Variants in TENM3 observed in about 807,000 individuals in gnomAD.
The protein encoded by TENM3 is teneurin transmembrane protein 3, also known as teneurin-3.
In TENM3, 63 loss-of-function variants were observed where a neutral mutation model predicts 255.1. That is an observed-to-expected ratio of 0.25 (90% CI 0.20 to 0.30). TENM3 has a LOEUF of 0.30. Ranked by LOEUF, TENM3 falls within the 10% of genes least tolerant of loss-of-function variation. The pLI is 1.00. For synonymous variants in TENM3, 1,306 were observed against 1,322.3 expected (o/e 0.99, Z 0.27); for missense variants, 2,929 against 3,461.1 (o/e 0.85, Z 3.86).
At chr4:181,894,300 G>A in the TENM3 span, among the ~76,000 whole-genome samples, 1 of 152,080 alleles carries the variant, frequency 6.6e-6, no homozygotes, top group Non-Finnish European at 1.5e-5. Flanking sequence ...AATTACATGA[G>A]GGCTAGCGAG....
intron 1 of TENM3, among the ~76,000 whole-genome samples, chr4:182,282,894 GAAAAA>G (rs35385277): frequency 1.4e-5 from 1 of 70,954 alleles, no homozygotes; most frequent in African/African-American, 5.3e-5. Context: ...CTCCATTTCA[GAAAAA>G]AAAAAAAAAA....
chr4:182,102,406 T>C, the TENM3 span, among the ~76,000 whole-genome samples: 6,199 of 152,278 alleles, frequency 0.041, 169 homozygotes, highest in Middle Eastern at 0.068. Flanking sequence ...ACTTGTTCAA[T>C]TGATCCATTA....
the TENM3 span, among the ~76,000 whole-genome samples, chr4:181,665,847 A>T: frequency 6.6e-6 from 1 of 152,070 alleles, no homozygotes. Flanking sequence ...ATTTTTATTA[A>T]ATTTCGTATA....
At chr4:182,348,700 AT>A (rs1764987611) in intron 3 of TENM3, among the ~76,000 whole-genome samples, 1 of 152,204 alleles carries the variant, frequency 6.6e-6, no homozygotes, top group African/African-American at 2.4e-5. Flanking sequence ...TGGTATCTGT[AT>A]TGGTAAAATA....
At chr4:182,243,280 AATTTTTGT>A (rs1339575932), upstream of TENM3, 2 of 152,222 alleles carry the variant, frequency 1.3e-5, no homozygotes, top group Non-Finnish European at 2.9e-5. Context: ...ACGCCCAGAT[AATTTTTGT>A]ATTTTTAGTA....
upstream of TENM3, among the ~76,000 whole-genome samples, chr4:182,241,003 A>G (rs1757220583): frequency 6.6e-6 from 1 of 152,048 alleles, no homozygotes; most frequent in South Asian, 2.1e-4. Flanking sequence ...ATCACCACCT[A>G]CAGCCTCAAG....
chr4:181,797,003 G>T, the TENM3 span, among the ~76,000 whole-genome samples: 1 of 152,236 alleles, frequency 6.6e-6, no homozygotes, highest in South Asian at 2.1e-4. Flanking sequence ...AGACGGCAAA[G>T]AGGGAGGCCC....
Position 182,574,785 on chromosome 4 carries a change from C to A in TENM3, c.512-26139C>A, listed in dbSNP as rs1250180533. Reference sequence around the variant, plus strand: ...ACGTAAGCTTCTCAATGAGCTATTTCAAAAAAATTTTTTTACAATGCAATT... The same window carrying A: ...ACGTAAGCTTCTCAATGAGCTATTTAAAAAAAATTTTTTTACAATGCAATT... On this transcript the variant is annotated intron_variant, in intron 3 of 27. Coordinates refer to ENST00000511685, the MANE Select transcript of TENM3 (RefSeq NM_001080477.4). 3.9e-5 allele frequency among the ~76,000 whole-genome samples: 6 copies of A among 151,996 alleles called. 1 individual carries two copies. Among genetic ancestry groups the A allele is most frequent in the African/African-American group, 1.4e-4 (6 of 41,416 alleles).
chr4:182,669,142 G>T (rs1221486942), intron 6 of TENM3, among the ~76,000 whole-genome samples: 1 of 152,154 alleles, frequency 6.6e-6, no homozygotes, highest in Non-Finnish European at 1.5e-5. Flanking sequence ...GAGGGGAAGA[G>T]AACAGCTACT....
intron 1 of TENM3, among the ~76,000 whole-genome samples, chr4:182,231,734 G>T (rs938712076): frequency 6.6e-6 from 1 of 152,132 alleles, no homozygotes; most frequent in Non-Finnish European, 1.5e-5. Flanking sequence ...TTGGTACCAG[G>T]CTGGACTCTG....
intron 23 of TENM3, 68 bp from the exon 24 acceptor site, chr4:182,774,850 C>T: frequency 8.6e-7 from 1 of 1,157,044 alleles, no homozygotes; most frequent in South Asian, 1.4e-5. Flanking sequence ...GAACCTATCT[C>T]ACGGCACAAC....
chr4:182,769,522 G>A (rs111705883), intron 22 of TENM3, among the ~76,000 whole-genome samples: 6 of 145,438 alleles, frequency 4.1e-5, no homozygotes, highest in East Asian at 2.1e-4. Context: ...GGTGGCTCAC[G>A]CCTGTAATCC....
chr4:181,534,495 T>A, the TENM3 span, among the ~76,000 whole-genome samples: 21 of 151,576 alleles, frequency 1.4e-4, no homozygotes, highest in African/African-American at 4.8e-4. Flanking sequence ...ATACCTTTGT[T>A]TCCCTGCCTT....
chr4:182,067,977 A>G, the TENM3 span, among the ~76,000 whole-genome samples: 3 of 152,196 alleles, frequency 2.0e-5, no homozygotes, highest in Admixed American at 1.3e-4. Context: ...AAAGAGAACT[A>G]GCGATTTCTG....
chr4:181,965,495 A>G, the TENM3 span, among the ~76,000 whole-genome samples: 1 of 152,282 alleles, frequency 6.6e-6, no homozygotes, highest in South Asian at 2.1e-4. Flanking sequence ...CAATACTTCC[A>G]AATAAAGCTC....
the TENM3 span, among the ~76,000 whole-genome samples, chr4:181,581,847 C>T: frequency 1.3e-5 from 2 of 151,976 alleles, no homozygotes; most frequent in Non-Finnish European, 2.9e-5. Context: ...ATTCTCCTGC[C>T]TCAGCCTCCT....
At chr4:182,274,773 A>G (rs1759881209) in intron 1 of TENM3, among the ~76,000 whole-genome samples, 1 of 152,120 alleles carries the variant, frequency 6.6e-6, no homozygotes, top group African/African-American at 2.4e-5. Context: ...TTAAATGGCT[A>G]TTTCTGAGTT....
intron 3 of TENM3, among the ~76,000 whole-genome samples, chr4:182,496,064 C>A (rs1735746241): frequency 6.6e-6 from 1 of 151,958 alleles, no homozygotes; most frequent in Non-Finnish European, 1.5e-5. Flanking sequence ...GTATAGTAGC[C>A]CTTTGAAAAG....
chr4:181,809,748 C>T, the TENM3 span, among the ~76,000 whole-genome samples: 6 of 152,192 alleles, frequency 3.9e-5, no homozygotes, highest in East Asian at 9.7e-4. Flanking sequence ...ATTATCTGGG[C>T]GGCCCACTGT....
Sources: allele counts gnomAD v4.1 joint callset (sites outside exome capture counted in the v4.1 genomes callset), GRCh38; gene constraint gnomAD v4.1.1; transcripts MANE v1.5; gene names NCBI Gene and HGNC (gene_info 2026-07-23, HGNC 2026-07-21).